FAT1: variants seen among roughly 807,000 people sequenced by gnomAD.
FAT1 encodes protocadherin Fat 1.
Under a neutral mutation model 329.8 loss-of-function variants are expected in FAT1, and 171 were observed. That is an observed-to-expected ratio of 0.52 (90% confidence interval 0.46 to 0.59). FAT1 has a LOEUF of 0.59. Ranked by LOEUF, FAT1 falls within the 20% of genes least tolerant of loss-of-function variation. The pLI, the probability that FAT1 is intolerant of heterozygous loss-of-function variation, is 0.00. For missense variants in FAT1, 5,672 were observed against 5,774.4 expected (o/e 0.98, Z 0.57); for synonymous variants, 2,233 against 2,228.6 (o/e 1.00, Z -0.06).
intron 11 of FAT1, among the ~76,000 whole-genome samples, chr4:186,616,327 G>A (rs1474130012): frequency 6.6e-6 from 1 of 152,030 alleles, no homozygotes; most frequent in Non-Finnish European, 1.5e-5. Context: ...AAGACTCTCA[G>A]TGCAGACTCC....
intron 2 of FAT1, among the ~76,000 whole-genome samples, chr4:186,674,973 G>A (rs1742888192): frequency 6.6e-6 from 1 of 152,172 alleles, no homozygotes; most frequent in African/African-American, 2.4e-5. Context: ...GGTCAAGGTT[G>A]CAGTGAGCCG....
At chr4:186,668,253 C>T (rs1742553235) in intron 2 of FAT1, among the ~76,000 whole-genome samples, 1 of 152,150 alleles carries the variant, frequency 6.6e-6, no homozygotes, top group Non-Finnish European at 1.5e-5. Flanking sequence ...GGACCTATGG[C>T]ACTAGCCCGA....
At chr4:186,693,276 C>T (rs1743874487) in intron 2 of FAT1, among the ~76,000 whole-genome samples, 1 of 152,178 alleles carries the variant, frequency 6.6e-6, no homozygotes, top group Non-Finnish European at 1.5e-5. Context: ...AAGGGAAACG[C>T]AATCGGGTAA....
At position 186,596,470 on chromosome 4, in the gene FAT1, CT is replaced by C. The variant is rs1738514633; in HGVS notation, c.13000+69del. ...CTAATGAAGAGTACACACATTTTGA[CT>C]GGACAGAATTTGTAACCTCACTGTT... On this transcript the variant is annotated intron_variant, in intron 25 of 26. Transcript: ENST00000441802. The surrounding 1 kb of genome is among the most constrained non-coding windows in gnomAD (Gnocchi z 4.7). 2.7e-6 allele frequency: 4 copies of C among 1,509,144 alleles called. No individual in the cohort carries two copies. In the East Asian group the frequency reaches 9.1e-5, roughly 34 times the overall value. The allele number at this position is 1,509,144 out of a possible 1,614,324, so 93.5% of individuals were successfully genotyped here. A position where few individuals can be genotyped will look rare whatever the true frequency, so the allele number is the denominator to read the frequency against.
chr4:186,678,330 G>A (rs929318014), intron 2 of FAT1, among the ~76,000 whole-genome samples: 9 of 151,706 alleles, frequency 5.9e-5, no homozygotes, highest in East Asian at 3.9e-4. Context: ...ATAGCTAGGC[G>A]CAGTGGCTCA....
At chr4:186,597,340 C>A in intron 24 of FAT1, 169 bp from the exon 25 acceptor site, 1 of 693,636 alleles carries the variant, frequency 1.4e-6, no homozygotes, top group South Asian at 2.2e-5. Flanking sequence ...GAGAAAAGAC[C>A]TTCTGTGGAG....
Position 186,709,813 on chromosome 4 carries a change from CA to C in FAT1, c.14del (p.Leu5TrpfsTer66). The stretch of plus-strand genomic sequence containing the variant: ...GAAGGAGCAGAAGCAGGAGCAAAGC[CA>C]AATGTCTCCCCATTGCTTAACTGTC... MGRH[L>X]ALLLLLLLLF... is the part of the protein sequence containing the mutation. On this transcript the variant is annotated frameshift_variant, in exon 2 of 27. Transcript: ENST00000441802. LOFTEE classifies it high-confidence loss of function. The C allele has an allele frequency of 6.2e-7, 1 of 1,603,056 alleles. No individual in the cohort carries two copies. Among genetic ancestry groups the C allele is most frequent in the Non-Finnish European group, 8.5e-7 (1 of 1,173,516 alleles).
chr4:186,723,390 G>A (rs992187277), intron 1 of FAT1, among the ~76,000 whole-genome samples: 1 of 152,212 alleles, frequency 6.6e-6, no homozygotes, highest in Admixed American at 6.5e-5. Context: ...GGAAGGCGGC[G>A]TGTCAGAAAG....
chr4:186,627,994 A>C (rs1740399433), intron 9 of FAT1, 160 bp downstream of exon 9: 1 of 796,312 alleles, frequency 1.3e-6, no homozygotes. Flanking sequence ...AAAAAAAAAA[A>C]TTCCTTTCTC....
At position 186,707,211 on chromosome 4, in the gene FAT1, C is replaced by T. The variant is rs143802989; in HGVS notation, c.2617G>A (p.Val873Met). 8.5e-5 allele frequency: 137 copies of T among 1,613,896 alleles called. 1 individual carries two copies. The highest frequency in any genetic ancestry group is 8.2e-4 in the Middle Eastern group (5 of 6,062). ...TDTDTFSIDS[V>M]TGVVNIARPL... ...CGTGCGATGTTAACAACACCCGTCA[C>T]GCTGTCAATTGAAAATGTGTCTGTG... The change falls in exon 2 of 27, where the codon GTG becomes ATG. Residue 873 changes from valine to methionine, a missense_variant. Val to Met is a conservative substitution (Grantham distance 21, BLOSUM62 1). Around this residue, in one of 2 missense-constraint regions of FAT1, gnomAD observed 3,966 missense variants for 3,915.2 expected, o/e 1.01. Coordinates refer to ENST00000441802, the MANE Select transcript of FAT1 (RefSeq NM_005245.4).
Position 186,618,868 on chromosome 4 carries a change from G to C in FAT1, c.7718C>G (p.Ala2573Gly), listed in dbSNP as rs2126499836. 1 of 1,613,994 alleles carries C rather than the reference G, an allele frequency of 6.2e-7. No homozygotes were observed. ...VISVRLMAKD[A>G]GGKVAFCTVN... ...GGTGCAGAAAGCAACTTTTCCTCCA[G>C]CATCCTTAGCCATTAAACGGACTGA... Residue 2573 changes from alanine (A) to glycine (G), a missense_variant, in exon 10 of 27, where the codon GCT becomes GGT. This residue lies in a region of FAT1 where 3,966 missense variants were observed against 3,915.2 expected (regional missense o/e 1.01). Transcript: ENST00000441802.
chr4:186,674,489 CATCA>C (rs1031891990), intron 2 of FAT1, among the ~76,000 whole-genome samples: 4 of 152,188 alleles, frequency 2.6e-5, no homozygotes, highest in African/African-American at 9.7e-5. Context: ...GTCTGACTCT[CATCA>C]ATCAATCACT....
rs567754907 is a variant in FAT1, at chr4:186,692,373, C to T, written c.3265+14190G>A. Among the ~76,000 whole-genome samples, 36 of 151,874 alleles carry T rather than the reference C, an allele frequency of 2.4e-4. No individual in the cohort carries two copies. In the East Asian group the frequency reaches 5.6e-3, roughly 24 times the overall value. On this transcript the variant is annotated intron_variant, in intron 2 of 26. Coordinates refer to ENST00000441802, the MANE Select transcript of FAT1 (RefSeq NM_005245.4). ...TGTCGCCCAGGCTGGAGTGCAGTGGCGCAATCTCGGTTCACTGCAAGCTCC... is the reference window on the plus strand; with the variant it reads ...TGTCGCCCAGGCTGGAGTGCAGTGGTGCAATCTCGGTTCACTGCAAGCTCC...
At chr4:186,595,554 T>C (rs1379574323) in intron 26 of FAT1, 135 bp downstream of exon 26, 2 of 925,782 alleles carry the variant, frequency 2.2e-6, no homozygotes, top group African/African-American at 1.7e-5. Flanking sequence ...GTATGTATGG[T>C]ATTGTTTAAA....
chr4:186,631,298 T>G (rs1179062141), intron 7 of FAT1, among the ~76,000 whole-genome samples: 1 of 151,058 alleles, frequency 6.6e-6, no homozygotes, highest in Non-Finnish European at 1.5e-5. Context: ...CCTCTGCTCT[T>G]CAATCCATCC....
At chr4:186,643,899 A>G (rs1380059085) in intron 3 of FAT1, among the ~76,000 whole-genome samples, 3 of 150,224 alleles carry the variant, frequency 2.0e-5, no homozygotes, top group Non-Finnish European at 4.4e-5. Flanking sequence ...TAAGTGTCCT[A>G]GTAAGTATGT....
intron 2 of FAT1, among the ~76,000 whole-genome samples, chr4:186,680,477 C>G (rs908322740): frequency 6.6e-6 from 1 of 152,174 alleles, no homozygotes; most frequent in Non-Finnish European, 1.5e-5. Flanking sequence ...TCAGGCACCA[C>G]TCCTCCCCTG....
intron 2 of FAT1, among the ~76,000 whole-genome samples, chr4:186,677,367 CCTAT>C (rs957395289): frequency 6.6e-6 from 1 of 152,060 alleles, no homozygotes; most frequent in African/African-American, 2.4e-5. Flanking sequence ...ATCAAACAGC[CCTAT>C]CTAATAATCT....
rs141522992 is a variant in FAT1 at position 186,676,080 on chromosome 4, AAAG to A, written c.3266-12470_3266-12468del. ...TCCTTGGACCAGCAGAGAGAGAGGAAAAGAAGGGCACCTGTTTGAGAAGGGAAA... is the reference window on the plus strand; with the variant it reads ...TCCTTGGACCAGCAGAGAGAGAGGAAAAGGGCACCTGTTTGAGAAGGGAAA... On this transcript the variant is annotated intron_variant, in intron 2 of 26. Coordinates refer to ENST00000441802, the MANE Select transcript of FAT1 (RefSeq NM_005245.4). 8.8e-3 allele frequency among the ~76,000 whole-genome samples: 1,345 copies of A among 152,298 alleles called. 45 individuals carry two copies. The highest frequency in any genetic ancestry group is 0.065 in the East Asian group (338 of 5,178).
Sources: gnomAD v4.1 joint callset for allele counts (sites outside exome capture counted in the v4.1 genomes callset) on GRCh38, gnomAD v4.1.1 for gene constraint, gnomAD v4.1.1 regional missense constraint, Gnocchi (gnomAD v3.1) non-coding constraint, MANE v1.5 for transcripts, NCBI Gene and HGNC (gene_info 2026-07-23, HGNC 2026-07-21) for gene names.